Variants in ASTN2 observed in about 807,000 individuals in gnomAD.
ASTN2 encodes the protein astrotactin-2.
ASTN2 carries 54 observed loss-of-function variants against 139.8 expected under a neutral mutation model. The observed-to-expected ratio is 0.39, with a 90% CI of 0.31 to 0.48. The LOEUF is 0.48. ASTN2 is among the 20% of genes least tolerant of loss of function. The pLI is 0.95. For synonymous variants in ASTN2, 756 were observed against 719.5 expected (o/e 1.05, Z -0.81); for missense variants, 1,565 against 1,725.1 (o/e 0.91, Z 1.64).
intron 5 of ASTN2, among the ~76,000 whole-genome samples, chr9:117,060,690 G>C (rs1839263866): frequency 6.6e-6 from 1 of 151,766 alleles, no homozygotes; most frequent in Non-Finnish European, 1.5e-5. Flanking sequence ...TCAGGAGATC[G>C]AGATCATCCT....
chr9:117,064,892 T>C (rs961734389), intron 5 of ASTN2, among the ~76,000 whole-genome samples: 12 of 152,092 alleles, frequency 7.9e-5, no homozygotes, highest in Admixed American at 6.6e-4. Flanking sequence ...CTCTGCTGTC[T>C]GCTTGTGGTG....
chr9:116,467,882 G>A (rs1015037516), intron 20 of ASTN2, among the ~76,000 whole-genome samples: 5 of 152,158 alleles, frequency 3.3e-5, no homozygotes, highest in African/African-American at 1.2e-4. Flanking sequence ...TTCCCAGAAT[G>A]AAGTTTGCTC....
At chr9:117,192,509 A>G (rs1030095677) in intron 3 of ASTN2, among the ~76,000 whole-genome samples, 13 of 152,250 alleles carry the variant, frequency 8.5e-5, no homozygotes, top group Non-Finnish European at 1.9e-4. Flanking sequence ...AAAATTAAAT[A>G]GAAATAAATT....
Position 116,801,585 on chromosome 9 carries a change from C to CAAA in ASTN2, c.2396+4044_2396+4046dup, listed in dbSNP as rs397893932. Reference sequence around the variant, plus strand: ...CAGGCAACAGTGTGAGGCTCTGTCTCAAAAAAAAAAAAAAAAAAAAAAAAA... The same window carrying CAAA: ...CAGGCAACAGTGTGAGGCTCTGTCTCAAAAAAAAAAAAAAAAAAAAAAAAAAAA... On this transcript the variant is annotated intron_variant, in intron 13 of 22. Coordinates refer to ENST00000313400, the MANE Select transcript of ASTN2 (RefSeq NM_001365068.1). Among the ~76,000 whole-genome samples, 521 of 60,320 alleles carry CAAA rather than the reference C, an allele frequency of 8.6e-3. 1 individual carries two copies. The highest frequency in any genetic ancestry group is 0.013 in the Middle Eastern group (1 of 78). 39.6% of individuals were successfully genotyped at this position (60,320 alleles called of 152,430 possible).
chr9:116,844,811 C>T lies in ASTN2; in HGVS notation c.2040+18772G>A, dbSNP rs1832379264. ...CAATGAAATACCAACAGGCCATTAT[C>T]CCCACATGCCAGCCATCTGTGCAGC... On this transcript the variant is annotated intron_variant, in intron 11 of 22. Coordinates refer to ENST00000313400, the MANE Select transcript of ASTN2 (RefSeq NM_001365068.1). Among the ~76,000 whole-genome samples the T allele has an allele frequency of 2.0e-5, 3 of 152,160 alleles. No individual in the cohort carries two copies. In the East Asian group the frequency reaches 5.8e-4, roughly 29 times the overall value.
At chr9:117,185,601 T>TG (rs1831177173) in intron 3 of ASTN2, among the ~76,000 whole-genome samples, 1 of 152,150 alleles carries the variant, frequency 6.6e-6, no homozygotes, top group South Asian at 2.1e-4. Flanking sequence ...TCTCCTGGTG[T>TG]GGGGATCTCC....
chr9:117,105,052 G>A (rs1829069981), intron 4 of ASTN2, among the ~76,000 whole-genome samples: 1 of 151,930 alleles, frequency 6.6e-6, no homozygotes, highest in Admixed American at 6.6e-5. Flanking sequence ...CCTGTGGGAT[G>A]GTATATTTTC....
chr9:116,979,821 ACT>A (rs1836458226), intron 7 of ASTN2, among the ~76,000 whole-genome samples: 1 of 151,866 alleles, frequency 6.6e-6, no homozygotes, highest in East Asian at 1.9e-4. Context: ...TCCTGCAGTG[ACT>A]CTGCAGGAAA....
At chr9:116,794,820 G>T (rs1331933851) in intron 13 of ASTN2, among the ~76,000 whole-genome samples, 2 of 152,222 alleles carry the variant, frequency 1.3e-5, no homozygotes, top group African/African-American at 4.8e-5. Flanking sequence ...GGTGATAATA[G>T]GGGAAGAAAA....
At chr9:117,228,607 T>C (rs1428664210) in intron 2 of ASTN2, among the ~76,000 whole-genome samples, 1 of 152,078 alleles carries the variant, frequency 6.6e-6, no homozygotes, top group Non-Finnish European at 1.5e-5. Flanking sequence ...TGTGGCATGA[T>C]AGGAACAGGA....
At chr9:117,228,722 C>G (rs538223526) in intron 2 of ASTN2, among the ~76,000 whole-genome samples, 1 of 151,934 alleles carries the variant, frequency 6.6e-6, no homozygotes, top group South Asian at 2.1e-4. Context: ...TATTTAAAGA[C>G]GTGGAGTTCA....
intron 10 of ASTN2, among the ~76,000 whole-genome samples, chr9:116,888,058 G>A (rs1473624618): frequency 2.0e-5 from 3 of 152,126 alleles, no homozygotes; most frequent in Non-Finnish European, 4.4e-5. Flanking sequence ...TATATCATAA[G>A]ATCAGCAGTA....
intron 1 of ASTN2, among the ~76,000 whole-genome samples, chr9:117,309,069 G>T (rs554620516): frequency 6.6e-5 from 10 of 152,302 alleles, no homozygotes; most frequent in South Asian, 6.2e-4. Context: ...TTTCAAGATG[G>T]TTATTATATC....
intron 13 of ASTN2, among the ~76,000 whole-genome samples, chr9:116,790,820 A>C (rs1830508683): frequency 6.6e-6 from 1 of 151,076 alleles, no homozygotes; most frequent in African/African-American, 2.4e-5. Context: ...GATTACAGGC[A>C]TGCGCCACCA....
chr9:116,789,920 C>T (rs1183402568), intron 13 of ASTN2, among the ~76,000 whole-genome samples: 1,116 of 93,422 alleles, frequency 0.012, 25 homozygotes, highest in African/African-American at 0.045. Context: ...TTCTCTTTCT[C>T]TTTTTTTTTT....
intron 22 of ASTN2, among the ~76,000 whole-genome samples, chr9:116,438,439 G>A (rs1847726219): frequency 6.6e-6 from 1 of 152,172 alleles, no homozygotes; most frequent in Non-Finnish European, 1.5e-5. Context: ...CACTCCTGCT[G>A]TCACACACTT....
intron 4 of ASTN2, among the ~76,000 whole-genome samples, chr9:117,137,117 A>G (rs1444727129): frequency 2.0e-5 from 3 of 152,202 alleles, no homozygotes; most frequent in Non-Finnish European, 4.4e-5. Context: ...CCTTAATAGC[A>G]GCCTCATAAA....
intron 13 of ASTN2, among the ~76,000 whole-genome samples, chr9:116,801,585 C>CAAAAAAAAAAAAAAAAAA (rs397893932): frequency 4.3e-4 from 26 of 60,372 alleles, no homozygotes; most frequent in East Asian, 6.2e-4. Context: ...GGCTCTGTCT[C>CAAAAAAAAAAAAAAAAAA]AAAAAAAAAA....
At chr9:116,901,749 T>C (rs1458714498) in intron 10 of ASTN2, among the ~76,000 whole-genome samples, 2 of 152,224 alleles carry the variant, frequency 1.3e-5, no homozygotes, top group Non-Finnish European at 2.9e-5. Context: ...AAGTTAACTG[T>C]TATAGGCCAG....
Sources: allele counts gnomAD v4.1 joint callset (sites outside exome capture counted in the v4.1 genomes callset), GRCh38; gene constraint gnomAD v4.1.1; transcripts MANE v1.5; gene names NCBI Gene and HGNC (gene_info 2026-07-23, HGNC 2026-07-21).